The following PTPRN2 variants were observed in gnomAD, a reference collection of about 807,000 sequenced individuals.
PTPRN2 encodes receptor-type tyrosine-protein phosphatase N2.
Under a neutral mutation model 118.8 loss-of-function variants are expected in PTPRN2, and 74 were observed. The ratio of observed to expected loss-of-function variants is 0.62; its 90% CI spans 0.52 to 0.76. The LOEUF is 0.76. Ranked by LOEUF, PTPRN2 falls within the 30% of genes least tolerant of loss-of-function variation. PTPRN2 has a pLI of 0.00. For missense variants in PTPRN2, 1,481 were observed against 1,394.4 expected, an observed-to-expected ratio of 1.06 and a Z score of -0.99; for synonymous variants, 641 against 608.0, an observed-to-expected ratio of 1.05 and a Z score of -0.80.
intron 3 of PTPRN2, among the ~76,000 whole-genome samples, chr7:158,216,850 G>A (rs1827993380): frequency 6.6e-6 from 1 of 152,060 alleles, no homozygotes; most frequent in Admixed American, 6.6e-5. Flanking sequence ...ACTTAATGCT[G>A]GGCCATAAAA....
chr7:158,149,991 T>C (rs1389575050), intron 6 of PTPRN2, among the ~76,000 whole-genome samples: 1 of 152,226 alleles, frequency 6.6e-6, no homozygotes, highest in African/African-American at 2.4e-5. Context: ...TGCTGTTTGT[T>C]AAGCCTCATT....
intron 9 of PTPRN2, among the ~76,000 whole-genome samples, chr7:158,113,476 A>C (rs2335845): frequency 0.68 from 103,035 of 152,038 alleles, 35,063 homozygotes; most frequent in Admixed American, 0.73. Flanking sequence ...CAGAGGCCTT[A>C]GGCAGGAGTA....
chr7:157,961,013 A>AAAAAC (rs1357835309), intron 11 of PTPRN2, among the ~76,000 whole-genome samples: 1 of 152,194 alleles, frequency 6.6e-6, no homozygotes, highest in Admixed American at 6.5e-5. Context: ...TCTCAAAAAC[A>AAAAAC]AAAACAAAAC....
intron 2 of PTPRN2, among the ~76,000 whole-genome samples, chr7:158,385,588 T>G (rs1319310100): frequency 1.3e-5 from 2 of 152,234 alleles, no homozygotes; most frequent in African/African-American, 2.4e-5. Flanking sequence ...ATGATAATAA[T>G]GCCTTAAGTC....
At chr7:158,059,062 C>T (rs1465150002) in intron 11 of PTPRN2, among the ~76,000 whole-genome samples, 4 of 131,244 alleles carry the variant, frequency 3.0e-5, no homozygotes, top group South Asian at 2.5e-4. Flanking sequence ...CATCTGCCCA[C>T]GGTGACACAT....
intron 11 of PTPRN2, among the ~76,000 whole-genome samples, chr7:157,938,520 G>C (rs1799856260): frequency 6.6e-6 from 1 of 152,216 alleles, no homozygotes; most frequent in African/African-American, 2.4e-5. Flanking sequence ...AGATGGGAAG[G>C]AGAGGCCCAG....
chr7:157,667,987 A>G (rs955893137), intron 13 of PTPRN2, among the ~76,000 whole-genome samples: 2 of 152,154 alleles, frequency 1.3e-5, no homozygotes, highest in Non-Finnish European at 2.9e-5. Flanking sequence ...CTGCACCCAG[A>G]GCCCCCACCC....
intron 14 of PTPRN2, among the ~76,000 whole-genome samples, chr7:157,651,822 G>T (rs138051515): frequency 6.6e-6 from 1 of 152,342 alleles, no homozygotes; most frequent in East Asian, 1.9e-4. Context: ...GCCTTGCTCT[G>T]AGTGAGCATC....
At chr7:157,673,280 T>G (rs932350290) in intron 13 of PTPRN2, among the ~76,000 whole-genome samples, 1 of 152,164 alleles carries the variant, frequency 6.6e-6, no homozygotes, top group Non-Finnish European at 1.5e-5. Flanking sequence ...TGCCTCGGCC[T>G]CCCAAAGTGC....
intron 3 of PTPRN2, among the ~76,000 whole-genome samples, chr7:158,298,797 T>G (rs1412142331): frequency 6.6e-6 from 1 of 152,210 alleles, no homozygotes; most frequent in Non-Finnish European, 1.5e-5. Flanking sequence ...CTCTTCCTGC[T>G]GAGCCCCTGG....
intron 2 of PTPRN2, among the ~76,000 whole-genome samples, chr7:158,403,339 A>C (rs1813089228): frequency 6.6e-6 from 1 of 152,216 alleles, no homozygotes; most frequent in Non-Finnish European, 1.5e-5. Context: ...ACCAGAGCTG[A>C]CCTGAAGAGC....
intron 2 of PTPRN2, among the ~76,000 whole-genome samples, chr7:158,354,297 A>G (rs1313943965): frequency 6.6e-6 from 1 of 152,196 alleles, no homozygotes; most frequent in African/African-American, 2.4e-5. Flanking sequence ...CAGTGCCAAG[A>G]CACAGACACA....
intron 3 of PTPRN2, among the ~76,000 whole-genome samples, chr7:158,210,640 A>G (rs1324734525): frequency 1.3e-5 from 2 of 152,162 alleles, no homozygotes; most frequent in Non-Finnish European, 2.9e-5. Context: ...GAGACATTAC[A>G]ACTAATACTG....
chr7:158,086,864 G>A (rs902535636), intron 10 of PTPRN2, among the ~76,000 whole-genome samples: 8 of 152,174 alleles, frequency 5.3e-5, no homozygotes, highest in Non-Finnish European at 7.4e-5. Flanking sequence ...GTGTTGAAGC[G>A]CTTTCACACA....
intron 12 of PTPRN2, among the ~76,000 whole-genome samples, chr7:157,701,944 C>A (rs113257028): frequency 1.1e-5 from 1 of 88,018 alleles, no homozygotes; most frequent in Admixed American, 1.2e-4. Flanking sequence ...TAAGAAAGCC[C>A]GGTCGGTGCT....
intron 12 of PTPRN2, among the ~76,000 whole-genome samples, chr7:157,811,318 T>C (rs1806023092): frequency 7.9e-6 from 1 of 126,212 alleles, no homozygotes. Context: ...CATGGATTTT[T>C]GTAATCTACT....
At chr7:157,887,555 T>C (rs369775471) in intron 12 of PTPRN2, among the ~76,000 whole-genome samples, 39 of 962 alleles carry the variant, frequency 0.041, 2 homozygotes, top group Non-Finnish European at 0.054. Context: ...CCCCAGTACC[T>C]GCTCCCAGTA....
chr7:158,527,567 A>C (rs1057463543), intron 1 of PTPRN2, among the ~76,000 whole-genome samples: 1 of 152,192 alleles, frequency 6.6e-6, no homozygotes, highest in Non-Finnish European at 1.5e-5. Flanking sequence ...GCCTGTTTAC[A>C]GGGACTACGG....
intron 2 of PTPRN2, among the ~76,000 whole-genome samples, chr7:158,318,800 G>C (rs1417068445): frequency 1.3e-5 from 2 of 152,216 alleles, no homozygotes; most frequent in Admixed American, 1.3e-4. Flanking sequence ...AGCCTGGCTG[G>C]TCCGGGCCCC....
Sources: allele counts gnomAD v4.1 joint callset (sites outside exome capture counted in the v4.1 genomes callset), GRCh38; gene constraint gnomAD v4.1.1; transcripts MANE v1.5; gene names NCBI Gene and HGNC (gene_info 2026-07-23, HGNC 2026-07-21).